Variants in EXOC4 observed in about 807,000 individuals in gnomAD.
The protein encoded by EXOC4 is exocyst complex component 4.
A neutral mutation model predicts 107.2 loss-of-function variants in EXOC4; 71 were observed. The observed-to-expected ratio is 0.66, with a 90% confidence interval of 0.55 to 0.81. EXOC4 has a LOEUF of 0.81. EXOC4 is among the 30% of genes least tolerant of loss of function. The pLI, the probability that EXOC4 is intolerant of heterozygous loss-of-function variation, is 0.00. For synonymous variants in EXOC4, 456 were observed against 441.2 expected, an observed-to-expected ratio of 1.03 and a Z score of -0.42; for missense variants, 1,108 against 1,189.6, an observed-to-expected ratio of 0.93 and a Z score of 1.01.
chr7:133,378,836 G>C (rs1387665417), intron 7 of EXOC4, among the ~76,000 whole-genome samples: 2 of 151,770 alleles, frequency 1.3e-5, no homozygotes, highest in Admixed American at 6.6e-5. Flanking sequence ...AGGATGAATA[G>C]AACCCAAAAG....
At chr7:133,862,571 C>A (rs1183157891) in intron 11 of EXOC4, among the ~76,000 whole-genome samples, 1 of 152,100 alleles carries the variant, frequency 6.6e-6, no homozygotes, top group Non-Finnish European at 1.5e-5. Flanking sequence ...GATTGACTGA[C>A]TAAAGTACTA....
At chr7:133,435,825 A>G (rs1212904915) in intron 7 of EXOC4, among the ~76,000 whole-genome samples, 2 of 152,106 alleles carry the variant, frequency 1.3e-5, no homozygotes, top group Non-Finnish European at 2.9e-5. Context: ...ATCTAGGTTG[A>G]GGGTAAAGTT....
chr7:133,551,114 TG>T (rs1251556571), intron 9 of EXOC4, among the ~76,000 whole-genome samples: 1 of 152,170 alleles, frequency 6.6e-6, no homozygotes, highest in Non-Finnish European at 1.5e-5. Flanking sequence ...TTTCTTAATC[TG>T]GATCTCCATT....
At chr7:133,649,575 T>C (rs1803087086) in intron 10 of EXOC4, among the ~76,000 whole-genome samples, 1 of 151,962 alleles carries the variant, frequency 6.6e-6, no homozygotes, top group African/African-American at 2.4e-5. Flanking sequence ...CATCAGAGTG[T>C]TTCTCTTGGC....
intron 10 of EXOC4, among the ~76,000 whole-genome samples, chr7:133,651,142 T>C (rs1414630302): frequency 1.3e-5 from 2 of 152,036 alleles, no homozygotes; most frequent in Admixed American, 6.6e-5. Context: ...ACCTCAGTGT[T>C]CTGTAATAAA....
At chr7:133,452,960 T>C (rs539235022) in intron 7 of EXOC4, among the ~76,000 whole-genome samples, 3 of 151,820 alleles carry the variant, frequency 2.0e-5, no homozygotes, top group Non-Finnish European at 4.4e-5. Flanking sequence ...CTTTCCCTTA[T>C]GTAAAGTCTC....
intron 10 of EXOC4, among the ~76,000 whole-genome samples, chr7:133,794,207 C>T (rs1298075371): frequency 3.9e-5 from 6 of 152,190 alleles, no homozygotes; most frequent in African/African-American, 1.2e-4. Context: ...TGATGCTTCT[C>T]GTGTTCTTTA....
intron 14 of EXOC4, among the ~76,000 whole-genome samples, chr7:133,995,641 G>A (rs765922314): frequency 6.6e-6 from 1 of 152,100 alleles, no homozygotes; most frequent in Non-Finnish European, 1.5e-5. Flanking sequence ...ACCAAGGCTG[G>A]CAATAATTTA....
At chr7:133,938,202 T>G in intron 14 of EXOC4, 133 bp downstream of exon 14, 1 of 844,018 alleles carries the variant, frequency 1.2e-6, no homozygotes, top group Non-Finnish European at 1.8e-6. Context: ...CTGGTTAGAA[T>G]TCTGCTTGTG....
intron 9 of EXOC4, among the ~76,000 whole-genome samples, chr7:133,574,023 T>C (rs1801077374): frequency 6.6e-6 from 1 of 152,250 alleles, no homozygotes; most frequent in Non-Finnish European, 1.5e-5. Context: ...AAACATTTTG[T>C]ATTCTCACAG....
At position 133,771,136 on chromosome 7, in the gene EXOC4, T is replaced by C. The variant is rs190580340; in HGVS notation, c.1515-46189T>C. On this transcript the variant is annotated intron_variant, in intron 10 of 17. Coordinates refer to ENST00000253861, the MANE Select transcript of EXOC4 (RefSeq NM_021807.4). The stretch of plus-strand genomic sequence containing the variant: ...AGTTACAGCCAAAGATATAGACTTA[T>C]AGAGAATCTGGGGAGGGTATACATG... 7.0e-4 allele frequency among the ~76,000 whole-genome samples: 106 copies of C among 152,040 alleles called. 2 individuals carry two copies. The highest frequency in any genetic ancestry group is 1.5e-5 in the Non-Finnish European group (1 of 67,902).
Position 133,624,972 on chromosome 7 carries a change from A to T in EXOC4, c.1418-5073A>T, listed in dbSNP as rs189053297. ...TCTAATGTTTTTATAAATTAAAAAA[A>T]AGTAAAAATTAAGACTAGAGAAAGT... On this transcript the variant is annotated intron_variant, in intron 9 of 17. Coordinates refer to ENST00000253861, the MANE Select transcript of EXOC4 (RefSeq NM_021807.4). Among the ~76,000 whole-genome samples, 292 of 152,294 alleles carry T rather than the reference A, an allele frequency of 1.9e-3. 4 individuals carry two copies. The highest frequency in any genetic ancestry group is 6.7e-3 in the African/African-American group (279 of 41,576).
intron 9 of EXOC4, among the ~76,000 whole-genome samples, chr7:133,549,115 T>G (rs947152027): frequency 6.6e-6 from 1 of 152,220 alleles, no homozygotes; most frequent in Non-Finnish European, 1.5e-5. Context: ...TTGATTCTCA[T>G]GCGTCAGCCT....
At chr7:133,804,233 T>A (rs1211918771) in intron 10 of EXOC4, among the ~76,000 whole-genome samples, 1 of 152,136 alleles carries the variant, frequency 6.6e-6, no homozygotes, top group East Asian at 1.9e-4. Flanking sequence ...AACAGTGATA[T>A]GAGATTATCC....
chr7:133,484,571 A>T (rs1362363188), intron 9 of EXOC4, among the ~76,000 whole-genome samples: 1 of 152,130 alleles, frequency 6.6e-6, no homozygotes, highest in African/African-American at 2.4e-5. Flanking sequence ...CAATCTAAAG[A>T]CTACCACTCA....
At chr7:133,865,171 T>C (rs927926288) in intron 11 of EXOC4, among the ~76,000 whole-genome samples, 1 of 152,150 alleles carries the variant, frequency 6.6e-6, no homozygotes, top group Non-Finnish European at 1.5e-5. Flanking sequence ...TTTATCAGAT[T>C]TAAGGTGGAT....
At chr7:133,322,210 G>A (rs905246409) in intron 5 of EXOC4, among the ~76,000 whole-genome samples, 6 of 152,162 alleles carry the variant, frequency 3.9e-5, no homozygotes, top group Admixed American at 2.0e-4. Flanking sequence ...CTGTGCAGAA[G>A]CTCTTTAGTT....
intron 9 of EXOC4, among the ~76,000 whole-genome samples, chr7:133,580,382 A>G (rs1801228579): frequency 6.6e-6 from 1 of 152,168 alleles, no homozygotes; most frequent in African/African-American, 2.4e-5. Flanking sequence ...GTTGGATCAT[A>G]TGGTAATTTT....
intron 7 of EXOC4, among the ~76,000 whole-genome samples, chr7:133,457,509 C>T (rs1798490615): frequency 6.6e-6 from 1 of 152,124 alleles, no homozygotes; most frequent in Non-Finnish European, 1.5e-5. Flanking sequence ...GGTAGCTCGC[C>T]ATATTGAGTG....
Sources: gnomAD v4.1 joint callset for allele counts (sites outside exome capture counted in the v4.1 genomes callset) on GRCh38, gnomAD v4.1.1 for gene constraint, MANE v1.5 for transcripts, NCBI Gene and HGNC (gene_info 2026-07-23, HGNC 2026-07-21) for gene names.